The following CEBPZOS variants were observed in gnomAD, a reference collection of about 807,000 sequenced individuals.
CEBPZOS encodes protein CEBPZOS.
Under a neutral mutation model 4.8 loss-of-function variants are expected in CEBPZOS, and 10 were observed. The ratio of observed to expected loss-of-function variants is 2.07; its 90% CI spans 1.28 to 3.52. The LOEUF (loss-of-function observed/expected upper bound fraction) is 3.52. CEBPZOS is among the 30% of genes most tolerant of loss of function. The pLI is 0.00. For missense variants in CEBPZOS, 98 were observed against 43.6 expected (o/e 2.25, Z -3.51); for synonymous variants, 25 against 14.2 (o/e 1.77, Z -1.72).
At chr2:37,206,826 A>G (rs191048152), downstream of CEBPZOS, among the ~76,000 whole-genome samples, 7 of 152,358 alleles carry the variant, frequency 4.6e-5, no homozygotes, top group East Asian at 1.3e-3. Context: ...CTCAAATACT[A>G]CGTTGGATGT....
At chr2:37,213,516 A>G (rs1677791804) in exon 5 of CEBPZOS, 1 of 171,522 alleles carries the variant, frequency 5.8e-6, no homozygotes, top group Non-Finnish European at 1.2e-5. Context: ...GATTCAAGCG[A>G]TTCTCGTGCC....
At chr2:37,204,893 C>G (rs1438889667), downstream of CEBPZOS, among the ~76,000 whole-genome samples, 2 of 152,112 alleles carry the variant, frequency 1.3e-5, no homozygotes, top group African/African-American at 2.4e-5. Context: ...TCTTTTTTAA[C>G]ATTAAAAAAT....
At chr2:37,198,182 T>A (rs1006594146) in intron 1 of CEBPZOS, among the ~76,000 whole-genome samples, 1 of 149,464 alleles carries the variant, frequency 6.7e-6, no homozygotes, top group African/African-American at 2.5e-5. Flanking sequence ...AAAAAAAAAA[T>A]AACCCCAAGA....
chr2:37,204,875 T>C (rs1677478044), downstream of CEBPZOS: 1 of 152,188 alleles, frequency 6.6e-6, no homozygotes, highest in Non-Finnish European at 1.5e-5. Context: ...TGAAACAAGC[T>C]CAGAGCATCT....
At chr2:37,200,786 G>A (rs917761409) in intron 2 of CEBPZOS, among the ~76,000 whole-genome samples, 1 of 152,162 alleles carries the variant, frequency 6.6e-6, no homozygotes, top group African/African-American at 2.4e-5. Context: ...TAGGAGGCTC[G>A]CTTGAGCCCA....
rs1046534348 is a variant in CEBPZOS, at chr2:37,201,518, C to G, written c.161-124C>G. ...GGACTTATATGTGAAGTCTGTAATCCTACTGTCCTCTTTTTCATTTTGTTA... is the reference window on the plus strand; with the variant it reads ...GGACTTATATGTGAAGTCTGTAATCGTACTGTCCTCTTTTTCATTTTGTTA... On this transcript the variant is annotated intron_variant, in intron 3 of 4. Coordinates refer to ENST00000402297, the MANE Select transcript of CEBPZOS (RefSeq NM_001322374.2). 1.5e-5 allele frequency: 9 copies of G among 605,186 alleles called. No homozygotes were observed. The African/African-American group carries it at 1.7e-4, about 11-fold the overall frequency. 37.5% of individuals were successfully genotyped at this position (605,186 alleles called of 1,614,324 possible). A position where few individuals can be genotyped will look rare whatever the true frequency, so the allele number is the denominator to read the frequency against.
chr2:37,201,555 G>A, intron 3 of CEBPZOS, 87 bp from the exon 4 acceptor site: 1 of 632,138 alleles, frequency 1.6e-6, no homozygotes, highest in Non-Finnish European at 2.8e-6. Context: ...GTAGCAATAT[G>A]GAAAAAAGAA....
In CEBPZOS at chr2:37,203,730, A is replaced by T. The variant is rs1219375639; in HGVS notation, c.*1870A>T. 1 of 152,140 alleles carries T rather than the reference A, an allele frequency of 6.6e-6. No homozygotes were observed. The highest frequency in any genetic ancestry group is 2.4e-5 in the African/African-American group (1 of 41,426). The allele number at this position is 152,140 out of a possible 1,614,324, so 9.4% of individuals were successfully genotyped here. A position where few individuals can be genotyped will look rare whatever the true frequency, so the allele number is the denominator to read the frequency against. ...CCCTGGTGCCATTTGTAGTCCTCCAACCCATCTCCGATCTATCTTGTTTCT... is the reference window on the plus strand; with the variant it reads ...CCCTGGTGCCATTTGTAGTCCTCCATCCCATCTCCGATCTATCTTGTTTCT... On this transcript the variant is annotated 3_prime_UTR_variant, in exon 5 of 5. Coordinates refer to ENST00000402297, the MANE Select transcript of CEBPZOS (RefSeq NM_001322374.2).
chr2:37,212,198 G>T (rs1677742287), intron 4 of CEBPZOS: 1 of 981,096 alleles, frequency 1.0e-6, no homozygotes, highest in South Asian at 1.6e-5. Context: ...TGTCAAAGAT[G>T]AAAGTACTGT....
chr2:37,197,972 G>T (rs78331286), intron 1 of CEBPZOS, among the ~76,000 whole-genome samples: 1 of 152,190 alleles, frequency 6.6e-6, no homozygotes, highest in Admixed American at 6.5e-5. Context: ...ACCACCCTGG[G>T]CAACAGGGTG....
intron 3 of CEBPZOS, 93 bp from the exon 4 acceptor site, chr2:37,201,549 C>A: frequency 1.6e-6 from 1 of 625,890 alleles, no homozygotes; most frequent in Non-Finnish European, 2.9e-6. Flanking sequence ...TGTTATGTAG[C>A]AATATGGAAA....
In CEBPZOS at chr2:37,211,204, G is replaced by T. The variant is rs371073683; in HGVS notation, c.*3-2233G>T. 577 of 563,510 alleles carry T rather than the reference G, an allele frequency of 1.0e-3. 5 individuals are homozygous for T. In the South Asian group the frequency reaches 0.015, roughly 15 times the overall value. 34.9% of individuals were successfully genotyped at this position (563,510 alleles called of 1,614,324 possible). Reference sequence around the variant, plus strand: ...GGCACTATACTGCTATTCCATGTGGGTTTTGTAATTCCACTAGCATAGGCT... The same window carrying T: ...GGCACTATACTGCTATTCCATGTGGTTTTTGTAATTCCACTAGCATAGGCT... On this transcript the variant is annotated intron_variant, in intron 4 of 4. Coordinates refer to the CEBPZOS transcript ENST00000397064.
rs767026478 is a variant in CEBPZOS, at chr2:37,201,820, G to A, written c.*3-43G>A. 1.9e-6 allele frequency: 3 copies of A among 1,595,188 alleles called. No homozygotes were observed. In the South Asian group the frequency reaches 3.3e-5, roughly 18 times the overall value. ...GTTTTAATCCTCTTCTTTTTAAAAT[G>A]TTTCTTTTTCTTGATGATACTTTTT... On this transcript the variant is annotated intron_variant, in intron 4 of 4. Coordinates refer to ENST00000402297, the MANE Select transcript of CEBPZOS (RefSeq NM_001322374.2).
downstream of CEBPZOS, among the ~76,000 whole-genome samples, chr2:37,205,358 C>G (rs1677500348): frequency 6.6e-6 from 1 of 152,188 alleles, no homozygotes; most frequent in African/African-American, 2.4e-5. Context: ...CCTGCCTTAA[C>G]TGATGACATT....
downstream of CEBPZOS, among the ~76,000 whole-genome samples, chr2:37,206,921 A>G (rs755720297): frequency 2.6e-5 from 4 of 152,198 alleles, no homozygotes; most frequent in Admixed American, 6.5e-5. Context: ...CGTAACACAT[A>G]AGGACTCACA....
Position 37,204,152 on chromosome 2 carries a change from G to A in CEBPZOS, c.*2292G>A, listed in dbSNP as rs1677426652. ...TTTTGGGTTTTATTCATCCTGTAGT[G>A]ATGTATCTGTGACCTCAACGAGTAG... On this transcript the variant is annotated 3_prime_UTR_variant, in exon 5 of 5. Transcript: ENST00000402297. 1 of 152,042 alleles carries A rather than the reference G, an allele frequency of 6.6e-6. No individual in the cohort carries two copies. Among genetic ancestry groups the A allele is most frequent in the Non-Finnish European group, 1.5e-5 (1 of 68,046 alleles). The allele number at this position is 152,042 out of a possible 1,614,324, so 9.4% of individuals were successfully genotyped here.
downstream of CEBPZOS, among the ~76,000 whole-genome samples, chr2:37,208,264 A>G (rs1303615293): frequency 6.6e-6 from 1 of 152,194 alleles, no homozygotes; most frequent in African/African-American, 2.4e-5. Flanking sequence ...TCCAAAAGAT[A>G]GGGAAAGAGG....
At chr2:37,196,600 CG>C (rs1386038708) in intron 1 of CEBPZOS, 80 bp downstream of exon 1, 1 of 152,314 alleles carries the variant, frequency 6.6e-6, no homozygotes, top group Non-Finnish European at 1.5e-5. Context: ...CGGTCTTCTG[CG>C]TGGGGCCTCG....
At chr2:37,205,549 C>G (rs1677507446), downstream of CEBPZOS, among the ~76,000 whole-genome samples, 1 of 152,224 alleles carries the variant, frequency 6.6e-6, no homozygotes, top group South Asian at 2.1e-4. Context: ...TCTTTTCGGA[C>G]TCAGCCCGCC....
Sources: allele counts gnomAD v4.1 joint callset (sites outside exome capture counted in the v4.1 genomes callset), GRCh38; gene constraint gnomAD v4.1.1; transcripts MANE v1.5; gene names NCBI Gene and HGNC (gene_info 2026-07-23, HGNC 2026-07-21).